The following CAMK2A variants were observed in gnomAD, a reference collection of about 807,000 sequenced individuals.
CAMK2A encodes the protein calcium/calmodulin-dependent protein kinase type II subunit alpha.
Under a neutral mutation model 79.2 loss-of-function variants are expected in CAMK2A, and 7 were observed. The observed-to-expected ratio is 0.09, with a 90% CI of 0.05 to 0.17. The LOEUF is 0.17. CAMK2A is among the 10% of genes least tolerant of loss of function. The pLI is 1.00. For missense variants in CAMK2A, 214 were observed against 646.4 expected (o/e 0.33, Z 7.25); for synonymous variants, 242 against 251.7 (o/e 0.96, Z 0.36).
chr5:150,285,560 GCCTCTGGGCCACA>G (rs1300752783), intron 1 of CAMK2A, among the ~76,000 whole-genome samples: 5 of 152,188 alleles, frequency 3.3e-5, no homozygotes, highest in African/African-American at 4.8e-5. Flanking sequence ...ACAGGGAGTT[GCCTCTGGGCCACA>G]CTGCCACCTG....
chr5:150,251,721 TG>T, intron 9 of CAMK2A, 28 bp downstream of exon 9: 1 of 1,517,990 alleles, frequency 6.6e-7, no homozygotes, highest in Non-Finnish European at 8.9e-7. Flanking sequence ...CAGAGGATGA[TG>T]GGAGCTGAAG....
chr5:150,278,747 G>A (rs376501029), intron 1 of CAMK2A, among the ~76,000 whole-genome samples: 6 of 152,242 alleles, frequency 3.9e-5, no homozygotes, highest in African/African-American at 1.4e-4. Flanking sequence ...AGGGGTGGGG[G>A]AAGTGTTCCT....
At chr5:150,254,655 AG>A (rs1390927380) in intron 6 of CAMK2A, among the ~76,000 whole-genome samples, 1 of 152,110 alleles carries the variant, frequency 6.6e-6, no homozygotes, top group Non-Finnish European at 1.5e-5. Context: ...CTCAGGATGG[AG>A]GGGCGCTAAG....
intron 3 of CAMK2A, among the ~76,000 whole-genome samples, chr5:150,264,265 C>T (rs1756414718): frequency 6.6e-6 from 1 of 152,194 alleles, no homozygotes; most frequent in Admixed American, 6.5e-5. Context: ...GGAAGTGATT[C>T]AGAGAGGGCA....
rs1290280515 is a variant in CAMK2A, at chr5:150,219,870, T to TTTATTTATTA, written c.*2839_*2840insTAATAAATAA. On this transcript the variant is annotated 3_prime_UTR_variant, in exon 19 of 19. Transcript: ENST00000671881. ...TTGGGTTTGGATTTTTATTTATTTA[T>TTTATTTATTA]TTATTATTATTATTATTATTATTTT... 5 of 138,802 alleles carry TTTATTTATTA rather than the reference T, an allele frequency of 3.6e-5. No individual in the cohort carries two copies. In the South Asian group the frequency reaches 8.9e-4, roughly 25 times the overall value. The allele number at this position is 138,802 out of a possible 1,614,324, so 8.6% of individuals were successfully genotyped here.
intron 1 of CAMK2A, among the ~76,000 whole-genome samples, chr5:150,281,278 T>C (rs926624763): frequency 2.3e-4 from 35 of 152,230 alleles, no homozygotes; most frequent in Non-Finnish European, 8.8e-5. Flanking sequence ...CAAATGCAGA[T>C]AGATCTGTTA....
chr5:150,269,641 AC>A (rs755855187), intron 2 of CAMK2A, among the ~76,000 whole-genome samples: 23 of 152,126 alleles, frequency 1.5e-4, no homozygotes, highest in Admixed American at 3.9e-4. Context: ...GACGTGAGCC[AC>A]CAAACCCAGC....
At chr5:150,273,690 C>T (rs1756843071) in intron 1 of CAMK2A, among the ~76,000 whole-genome samples, 1 of 152,148 alleles carries the variant, frequency 6.6e-6, no homozygotes, top group South Asian at 2.1e-4. Context: ...TAGAGTTCTC[C>T]ACCTTCCTTT....
chr5:150,245,033 A>T (rs1254526737), intron 13 of CAMK2A, 128 bp downstream of exon 13: 2 of 898,006 alleles, frequency 2.2e-6, no homozygotes, highest in African/African-American at 3.4e-5. Context: ...GCCTGGCCAC[A>T]AATGTGGCCC....
chr5:150,242,453 C>T (rs748085136), intron 13 of CAMK2A, among the ~76,000 whole-genome samples: 35 of 152,212 alleles, frequency 2.3e-4, no homozygotes, highest in Admixed American at 3.9e-4. Flanking sequence ...AGCGCTGAAG[C>T]CAATCACTGC....
rs536499356 is a variant in CAMK2A, at chr5:150,264,824, C to T, written c.217+132G>A. On this transcript the variant is annotated intron_variant, in intron 3 of 18. Coordinates refer to ENST00000671881, the MANE Select transcript of CAMK2A (RefSeq NM_015981.4). ...GAAACCATTAAAGACGCCCCCTTTC[C>T]CATCTCTGCTGCCTCCATCCCCAGA... The T allele has an allele frequency of 3.3e-4, 231 of 697,032 alleles. 3 individuals are homozygous for T. The South Asian group carries it at 3.5e-3, about 11-fold the overall frequency. 43.2% of individuals were successfully genotyped at this position (697,032 alleles called of 1,614,324 possible). A position where few individuals can be genotyped will look rare whatever the true frequency, so the allele number is the denominator to read the frequency against.
chr5:150,272,401 C>G (rs1282427187), intron 2 of CAMK2A, among the ~76,000 whole-genome samples: 1 of 151,992 alleles, frequency 6.6e-6, no homozygotes, highest in Non-Finnish European at 1.5e-5. Flanking sequence ...CCCATCGCTA[C>G]TAAAAATACA....
chr5:150,266,081 G>C (rs967555237), intron 2 of CAMK2A, among the ~76,000 whole-genome samples: 1 of 152,184 alleles, frequency 6.6e-6, no homozygotes, highest in Non-Finnish European at 1.5e-5. Flanking sequence ...AGGAGACTCT[G>C]GGACCAGGGA....
At chr5:150,264,614 G>T (rs1756430558) in intron 3 of CAMK2A, among the ~76,000 whole-genome samples, 4 of 152,208 alleles carry the variant, frequency 2.6e-5, no homozygotes, top group Non-Finnish European at 4.4e-5. Flanking sequence ...AATCGGCATG[G>T]GTGTGGGTAT....
intron 1 of CAMK2A, among the ~76,000 whole-genome samples, chr5:150,280,549 A>T (rs1024782767): frequency 1.3e-5 from 2 of 151,662 alleles, no homozygotes; most frequent in Non-Finnish European, 2.9e-5. Context: ...CCCACCTCCC[A>T]CACTCCATGA....
At chr5:150,267,942 T>A (rs906619565) in intron 2 of CAMK2A, among the ~76,000 whole-genome samples, 4 of 151,458 alleles carry the variant, frequency 2.6e-5, no homozygotes, top group Non-Finnish European at 5.9e-5. Flanking sequence ...GACTCGATCT[T>A]GGCTCACTGC....
chr5:150,250,454 G>T, intron 10 of CAMK2A, 145 bp from the exon 11 acceptor site: 1 of 820,234 alleles, frequency 1.2e-6, no homozygotes, highest in Non-Finnish European at 2.0e-6. Context: ...GATGCTTCAG[G>T]GTGTTTAGCA....
intron 15 of CAMK2A, among the ~76,000 whole-genome samples, chr5:150,232,646 T>C (rs1448585371): frequency 6.6e-6 from 1 of 152,162 alleles, no homozygotes; most frequent in Non-Finnish European, 1.5e-5. Context: ...CTCAGGTGAA[T>C]AGATGAACAC....
At chr5:150,251,415 T>C (rs1755828547) in intron 9 of CAMK2A, among the ~76,000 whole-genome samples, 1 of 150,092 alleles carries the variant, frequency 6.7e-6, no homozygotes, top group African/African-American at 2.5e-5. Flanking sequence ...TAGATTGGTG[T>C]GAGGATTAAA....
Sources: allele counts gnomAD v4.1 joint callset (sites outside exome capture counted in the v4.1 genomes callset), GRCh38; gene constraint gnomAD v4.1.1; transcripts MANE v1.5; gene names NCBI Gene and HGNC (gene_info 2026-07-23, HGNC 2026-07-21).